Variants in TM2D1 observed in about 807,000 individuals in gnomAD.
The protein encoded by TM2D1 is TM2 domain-containing protein 1.
In TM2D1, 15 loss-of-function variants were observed where a neutral mutation model predicts 28.4. The observed-to-expected ratio is 0.53, with a 90% CI of 0.35 to 0.81. The LOEUF is 0.81. Ranked by LOEUF, TM2D1 falls within the 40% of genes least tolerant of loss-of-function variation. TM2D1 has a pLI of 0.01. For synonymous variants in TM2D1, 93 were observed against 96.2 expected (o/e 0.97, Z 0.20); for missense variants, 236 against 254.9 (o/e 0.93, Z 0.50).
At chr1:61,704,857 G>T (rs1644429690) in intron 3 of TM2D1, among the ~76,000 whole-genome samples, 1 of 152,158 alleles carries the variant, frequency 6.6e-6, no homozygotes, top group African/African-American at 2.4e-5. Context: ...TTCAGGCCAT[G>T]AATTTGAGAC....
chr1:61,712,357 C>T lies in TM2D1; in HGVS notation c.239-2920G>A, dbSNP rs368756411. On this transcript the variant is annotated intron_variant, in intron 2 of 6. Coordinates refer to ENST00000606498, the MANE Select transcript of TM2D1 (RefSeq NM_032027.3). ...ATATGCCCTCACACATTTAAACAGA[C>T]ATCTAAAATTTTTCAACATGAATTT... Among the ~76,000 whole-genome samples, 10 of 152,222 alleles carry T rather than the reference C, an allele frequency of 6.6e-5. No individual in the cohort carries two copies. In the South Asian group the frequency reaches 2.1e-3, roughly 32 times the overall value.
At chr1:61,720,241 CT>C (rs778625275) in intron 2 of TM2D1, among the ~76,000 whole-genome samples, 16 of 146,288 alleles carry the variant, frequency 1.1e-4, no homozygotes, top group East Asian at 2.0e-4. Context: ...CAGGACACTT[CT>C]TTTTTTTTTT....
chr1:61,717,681 C>T (rs1644532369), intron 2 of TM2D1, among the ~76,000 whole-genome samples: 1 of 152,088 alleles, frequency 6.6e-6, no homozygotes, highest in Non-Finnish European at 1.5e-5. Context: ...TCAAGACATC[C>T]TCCAGCCTCA....
chr1:61,709,024 G>A (rs1227946542), intron 3 of TM2D1, among the ~76,000 whole-genome samples: 1 of 152,072 alleles, frequency 6.6e-6, no homozygotes, highest in African/African-American at 2.4e-5. Context: ...AAGTTAGCCA[G>A]GCATGGTGGC....
At chr1:61,700,060 G>A (rs1301917057) in intron 4 of TM2D1, 6 of 1,341,840 alleles carry the variant, frequency 4.5e-6, no homozygotes, top group Middle Eastern at 2.8e-4. Flanking sequence ...TAATATAGAA[G>A]CAGAGTACTA....
In TM2D1 at chr1:61,721,898, C is replaced by T. The variant is rs1210686979; in HGVS notation, c.238+1815G>A. Among the ~76,000 whole-genome samples, 7 of 143,928 alleles carry T rather than the reference C, an allele frequency of 4.9e-5. No homozygotes were observed. The East Asian group carries it at 1.1e-3, about 22-fold the overall frequency. The allele number at this position is 143,928 out of a possible 152,430, so 94.4% of individuals were successfully genotyped here. A position where few individuals can be genotyped will look rare whatever the true frequency, so the allele number is the denominator to read the frequency against. ...ACCAAAGCAAGAGAACTGCTTGAGC[C>T]TATGAGTTCAAGACGAGGCTGGACA... On this transcript the variant is annotated intron_variant, in intron 2 of 6. Coordinates refer to ENST00000606498, the MANE Select transcript of TM2D1 (RefSeq NM_032027.3).
intron 5 of TM2D1, among the ~76,000 whole-genome samples, chr1:61,688,353 C>T (rs1381037549): frequency 3.9e-5 from 6 of 152,252 alleles, no homozygotes; most frequent in African/African-American, 1.4e-4. Flanking sequence ...CTTCGGTTTT[C>T]CAATTTATTT....
At chr1:61,709,868 C>T (rs1151771) in intron 2 of TM2D1, among the ~76,000 whole-genome samples, 3 of 151,956 alleles carry the variant, frequency 2.0e-5, no homozygotes, top group Non-Finnish European at 4.4e-5. Flanking sequence ...TATACCAACG[C>T]TTATAGATAA....
intron 4 of TM2D1, among the ~76,000 whole-genome samples, chr1:61,695,630 C>G (rs972225190): frequency 9.9e-5 from 15 of 152,002 alleles, no homozygotes; most frequent in Admixed American, 9.8e-4. Context: ...GCTAAAAATC[C>G]TAAGAGAGGA....
chr1:61,686,692 CT>C (rs1312681486), intron 5 of TM2D1: 1 of 566,028 alleles, frequency 1.8e-6, no homozygotes, highest in African/African-American at 2.0e-5. Context: ...ATAATAAAAC[CT>C]GTTTTAAGCA....
At chr1:61,701,351 G>A (rs987251145) in intron 3 of TM2D1, among the ~76,000 whole-genome samples, 1 of 147,578 alleles carries the variant, frequency 6.8e-6, no homozygotes, top group Non-Finnish European at 1.5e-5. Context: ...AGAGCAGGCT[G>A]TGTAGAATGC....
At chr1:61,709,704 C>T (rs1557535769) in intron 2 of TM2D1, among the ~76,000 whole-genome samples, 1 of 152,144 alleles carries the variant, frequency 6.6e-6, no homozygotes, top group Non-Finnish European at 1.5e-5. Flanking sequence ...AATCTCCTGC[C>T]TCTGATAAAG....
At chr1:61,692,304 G>T (rs1263670695) in intron 5 of TM2D1, among the ~76,000 whole-genome samples, 3 of 151,912 alleles carry the variant, frequency 2.0e-5, no homozygotes, top group Non-Finnish European at 4.4e-5. Context: ...TATTGTTTCT[G>T]TTCAAAGACA....
At chr1:61,708,484 G>A (rs74076143) in intron 3 of TM2D1, among the ~76,000 whole-genome samples, 2,767 of 152,212 alleles carry the variant, frequency 0.018, 103 homozygotes, top group African/African-American at 0.06. Context: ...GTGAACTTCC[G>A]GGCTCCTCTG....
In TM2D1 at chr1:61,700,908, AT is replaced by A. The variant is rs747012148; in HGVS notation, c.439+25del. The A allele has an allele frequency of 8.9e-4, 1,303 of 1,471,216 alleles. 2 individuals carry two copies. The highest frequency in any genetic ancestry group is 3.8e-3 in the South Asian group (308 of 80,420). 91.1% of individuals were successfully genotyped at this position (1,471,216 alleles called of 1,614,324 possible). On this transcript the variant is annotated intron_variant, in intron 4 of 6. Transcript: ENST00000606498. The stretch of plus-strand genomic sequence containing the variant: ...GAACTAAAATATAGGTTTCATAAGG[AT>A]TTTTTTTTAATGAAACATACGCACC...
chr1:61,702,741 T>C (rs1210456823), intron 3 of TM2D1, among the ~76,000 whole-genome samples: 1 of 151,450 alleles, frequency 6.6e-6, no homozygotes, highest in East Asian at 1.9e-4. Context: ...TTCAATTCAA[T>C]TTTAGGCCTT....
intron 3 of TM2D1, among the ~76,000 whole-genome samples, chr1:61,708,786 G>A (rs1426232075): frequency 2.0e-5 from 3 of 152,042 alleles, no homozygotes; most frequent in South Asian, 2.1e-4. Context: ...CATGGCACGA[G>A]GCCATTTATA....
chr1:61,687,286 C>T (rs752183856), intron 5 of TM2D1, among the ~76,000 whole-genome samples: 6 of 152,020 alleles, frequency 3.9e-5, no homozygotes, highest in South Asian at 2.1e-4. Flanking sequence ...TTAAGGGGTA[C>T]GGTATTTTTG....
chr1:61,700,016 C>A, intron 4 of TM2D1: 1 of 996,442 alleles, frequency 1.0e-6, no homozygotes, highest in Non-Finnish European at 1.3e-6. Flanking sequence ...GTAGGCAGAG[C>A]ATTCAAAAAC....
Sources: gnomAD v4.1 joint callset for allele counts (sites outside exome capture counted in the v4.1 genomes callset) on GRCh38, gnomAD v4.1.1 for gene constraint, MANE v1.5 for transcripts, NCBI Gene and HGNC (gene_info 2026-07-23, HGNC 2026-07-21) for gene names.